Variants in WWOX observed in about 807,000 individuals in gnomAD.
The protein encoded by WWOX is WW domain containing oxidoreductase, also known as WW domain-containing oxidoreductase.
Under a neutral mutation model 46.2 loss-of-function variants are expected in WWOX, and 69 were observed. The observed-to-expected ratio is 1.49, with a 90% CI of 1.23 to 1.82. The LOEUF is 1.82. WWOX is among the 40% of genes most tolerant of loss of function. WWOX has a pLI of 0.00. For synonymous variants in WWOX, 359 were observed against 202.6 expected, an observed-to-expected ratio of 1.77 and a Z score of -6.56; for missense variants, 919 against 542.6, an observed-to-expected ratio of 1.69 and a Z score of -6.89.
chr16:79,020,943 T>A lies in WWOX; in HGVS notation c.1057-190665T>A, dbSNP rs118100239. Reference sequence around the variant, plus strand: ...TAATGAGCTTAGATTGTCAGGGAGCTAAGGGGATTCTTGACATCAAATTGT... The same window carrying A: ...TAATGAGCTTAGATTGTCAGGGAGCAAAGGGGATTCTTGACATCAAATTGT... On this transcript the variant is annotated intron_variant, in intron 8 of 8. Transcript: ENST00000566780. Among the ~76,000 whole-genome samples, 162 of 152,208 alleles carry A rather than the reference T, an allele frequency of 1.1e-3. 4 individuals are homozygous for A. The East Asian group carries it at 0.031, about 29-fold the overall frequency.
At chr16:78,125,285 G>C (rs2033314257) in intron 4 of WWOX, among the ~76,000 whole-genome samples, 1 of 152,142 alleles carries the variant, frequency 6.6e-6, no homozygotes, top group Admixed American at 6.5e-5. Flanking sequence ...TACAGGTCTT[G>C]GGCGGCGGGT....
chr16:78,117,686 A>G (rs1159077871), intron 4 of WWOX, among the ~76,000 whole-genome samples: 1 of 152,166 alleles, frequency 6.6e-6, no homozygotes, highest in Non-Finnish European at 1.5e-5. Flanking sequence ...AATTGCTATC[A>G]CTACTTTAGT....
At chr16:78,452,110 A>G (rs568982480) in intron 8 of WWOX, among the ~76,000 whole-genome samples, 1 of 152,336 alleles carries the variant, frequency 6.6e-6, no homozygotes, top group East Asian at 1.9e-4. Context: ...TTGAATTAAT[A>G]AAATGATTTA....
intron 8 of WWOX, among the ~76,000 whole-genome samples, chr16:79,098,895 C>T (rs2049132656): frequency 6.6e-6 from 1 of 152,086 alleles, no homozygotes; most frequent in Non-Finnish European, 1.5e-5. Flanking sequence ...ATAGTTTTGT[C>T]CGTTTTGTGT....
chr16:78,258,886 A>G (rs1193960926), intron 5 of WWOX, among the ~76,000 whole-genome samples: 1 of 152,110 alleles, frequency 6.6e-6, no homozygotes, highest in Non-Finnish European at 1.5e-5. Flanking sequence ...ATCACACTCC[A>G]CAAATCTCCA....
At chr16:78,356,055 C>A (rs1471647222) in intron 5 of WWOX, among the ~76,000 whole-genome samples, 2 of 78,446 alleles carry the variant, frequency 2.5e-5, no homozygotes, top group South Asian at 3.8e-4. Context: ...ATATGACCAC[C>A]AAGATTTTTT....
At chr16:78,349,902 C>T (rs1203012202) in intron 5 of WWOX, among the ~76,000 whole-genome samples, 1 of 120,982 alleles carries the variant, frequency 8.3e-6, no homozygotes, top group East Asian at 1.9e-4. Context: ...GAAATAATCC[C>T]TGTTAACATT....
intron 5 of WWOX, among the ~76,000 whole-genome samples, chr16:78,310,238 C>G (rs982230024): frequency 3.3e-5 from 5 of 152,192 alleles, no homozygotes; most frequent in African/African-American, 1.2e-4. Flanking sequence ...GCTACACACA[C>G]AACCCACTGA....
rs961514796 is a variant in WWOX, at chr16:78,164,227, A to G, written c.454A>G (p.Ile152Val). Residue 152 changes from isoleucine to valine, a missense_variant, in exon 5 of 9, where the codon ATC becomes GTC. Coordinates refer to ENST00000566780, the MANE Select transcript of WWOX (RefSeq NM_016373.4). ...TTTTGCCCTCCATGGTGCACATGTG[A>G]TCTTGGCCTGCAGGAACATGGCAAG... Reference protein sequence around the residue: ...KSFALHGAHVILACRNMARAS... With the variant: ...KSFALHGAHVVLACRNMARAS... The G allele has an allele frequency of 8.1e-6, 13 of 1,614,138 alleles. No homozygotes were observed. The highest frequency in any genetic ancestry group is 1.1e-5 in the Non-Finnish European group (13 of 1,180,014).
intron 8 of WWOX, among the ~76,000 whole-genome samples, chr16:78,436,812 C>T (rs2083344928): frequency 6.6e-6 from 1 of 152,220 alleles, no homozygotes; most frequent in Non-Finnish European, 1.5e-5. Flanking sequence ...CCCTCTTGGG[C>T]TATCCTGCGT....
intron 8 of WWOX, among the ~76,000 whole-genome samples, chr16:78,798,719 A>C (rs773047075): frequency 2.0e-5 from 3 of 152,138 alleles, no homozygotes; most frequent in Non-Finnish European, 4.4e-5. Context: ...TGGGATGTAC[A>C]GCAGAGTATA....
intron 8 of WWOX, among the ~76,000 whole-genome samples, chr16:78,882,324 T>A (rs2044359937): frequency 6.6e-6 from 1 of 152,092 alleles, no homozygotes; most frequent in Non-Finnish European, 1.5e-5. Context: ...GGAAAACAGG[T>A]TCAGAGAAGT....
intron 8 of WWOX, among the ~76,000 whole-genome samples, chr16:78,536,819 G>A (rs2043769762): frequency 6.6e-6 from 1 of 151,094 alleles, no homozygotes; most frequent in East Asian, 1.9e-4. Flanking sequence ...CCATGTCTGT[G>A]TAGCTTCATC....
intron 8 of WWOX, among the ~76,000 whole-genome samples, chr16:79,012,547 T>C (rs1403845264): frequency 6.6e-6 from 1 of 152,200 alleles, no homozygotes; most frequent in African/African-American, 2.4e-5. Flanking sequence ...ATATGAATTT[T>C]TAATTTGATA....
At chr16:78,430,823 G>C (rs1203520922) in intron 7 of WWOX, among the ~76,000 whole-genome samples, 2 of 152,094 alleles carry the variant, frequency 1.3e-5, no homozygotes, top group African/African-American at 4.8e-5. Flanking sequence ...CCTGTGGAAG[G>C]GATATTTAAT....
intron 8 of WWOX, among the ~76,000 whole-genome samples, chr16:78,467,048 T>C (rs2738669): frequency 0.11 from 16,524 of 152,202 alleles, 1,592 homozygotes; most frequent in African/African-American, 0.25. Flanking sequence ...TTGACCATGC[T>C]ATTGATTAGT....
At chr16:78,636,856 C>T (rs1284060207) in intron 8 of WWOX, among the ~76,000 whole-genome samples, 3 of 152,156 alleles carry the variant, frequency 2.0e-5, no homozygotes, top group Non-Finnish European at 4.4e-5. Flanking sequence ...TGGTACAGCC[C>T]TGAGCTGCAT....
chr16:78,504,665 CAT>C, intron 8 of WWOX, among the ~76,000 whole-genome samples: 1 of 152,254 alleles, frequency 6.6e-6, no homozygotes, highest in Non-Finnish European at 1.5e-5. Context: ...ATCCTGAACA[CAT>C]CTCTGTGCAT....
At chr16:78,242,426 G>A (rs1209112128) in intron 5 of WWOX, among the ~76,000 whole-genome samples, 3 of 152,052 alleles carry the variant, frequency 2.0e-5, no homozygotes, top group Admixed American at 6.6e-5. Context: ...ATAAATATTC[G>A]GGCAACACTG....
Sources: gnomAD v4.1 joint callset for allele counts (sites outside exome capture counted in the v4.1 genomes callset) on GRCh38, gnomAD v4.1.1 for gene constraint, MANE v1.5 for transcripts, NCBI Gene and HGNC (gene_info 2026-07-23, HGNC 2026-07-21) for gene names.